Variants in ADAMTS12 observed in about 807,000 individuals in gnomAD.
ADAMTS12 encodes the protein ADAM metallopeptidase with thrombospondin type 1 motif 12.
Under a neutral mutation model 167.8 loss-of-function variants are expected in ADAMTS12, and 118 were observed. The ratio of observed to expected loss-of-function variants is 0.70; its 90% CI spans 0.61 to 0.82. ADAMTS12 has a LOEUF of 0.82. Among genes scored for constraint, ADAMTS12 ranks in the 40% least tolerant of loss-of-function variants. The pLI, the probability that ADAMTS12 is intolerant of heterozygous loss-of-function variation, is 0.00. For missense variants in ADAMTS12, 1,916 were observed against 1,998.8 expected (o/e 0.96, Z 0.79); for synonymous variants, 704 against 716.9 (o/e 0.98, Z 0.29).
chr5:33,614,428 G>A lies in ADAMTS12; in HGVS notation c.2389-52C>T, dbSNP rs780134466. 12 of 1,596,572 alleles carry A rather than the reference G, an allele frequency of 7.5e-6. No individual in the cohort carries two copies. In the East Asian group the frequency reaches 2.7e-4, roughly 36 times the overall value. On this transcript the variant is annotated intron_variant, in intron 15 of 23. Transcript: ENST00000504830. ...AAACTGTCATGACTTTATACCATAAGCCAGTCATGTAAAAACACCACAAAA... is the reference window on the plus strand; with the variant it reads ...AAACTGTCATGACTTTATACCATAAACCAGTCATGTAAAAACACCACAAAA...
chr5:33,666,742 C>A (rs1167758915), intron 5 of ADAMTS12, among the ~76,000 whole-genome samples: 1 of 152,172 alleles, frequency 6.6e-6, no homozygotes, highest in African/African-American at 2.4e-5. Context: ...CTGCCTGCCT[C>A]AGCCTCCCAA....
chr5:33,733,784 C>A (rs980950040), intron 3 of ADAMTS12, among the ~76,000 whole-genome samples: 1 of 152,124 alleles, frequency 6.6e-6, no homozygotes, highest in African/African-American at 2.4e-5. Flanking sequence ...ATCAGCGAGA[C>A]ACGGGGGCTG....
intron 2 of ADAMTS12, among the ~76,000 whole-genome samples, chr5:33,827,724 T>TAGAC (rs1748139022): frequency 7.2e-6 from 1 of 139,528 alleles, no homozygotes; most frequent in South Asian, 2.1e-4. Context: ...GATAGATAGA[T>TAGAC]AGATAGATAG....
At chr5:33,827,363 A>C (rs1162080657) in intron 2 of ADAMTS12, among the ~76,000 whole-genome samples, 1 of 152,002 alleles carries the variant, frequency 6.6e-6, no homozygotes, top group East Asian at 1.9e-4. Flanking sequence ...CTACAGCTGC[A>C]AAGAACTGAG....
At position 33,549,335 on chromosome 5, in the gene ADAMTS12, C is replaced by T. The variant is rs777630888; in HGVS notation, c.4174G>A (p.Val1392Met). ...AGGTTCCGGTGGTCCCGGCTGTCCA[C>T]GCACTGAATCTCGCGTATCTTGAAG... ...GGFKIREIQC[V>M]DSRDHRNLRP... The change falls in exon 21 of 24, where the codon GTG becomes ATG. Residue 1392 changes from valine (V) to methionine (M), a missense_variant. Transcript: ENST00000504830. 7.4e-6 allele frequency: 12 copies of T among 1,613,974 alleles called. No homozygotes were observed. Among genetic ancestry groups the T allele is most frequent in the East Asian group, 2.2e-5 (1 of 44,878 alleles).
intron 3 of ADAMTS12, among the ~76,000 whole-genome samples, chr5:33,708,115 C>A (rs550598860): frequency 6.6e-6 from 1 of 152,138 alleles, no homozygotes; most frequent in African/African-American, 2.4e-5. Context: ...AAACAAACAA[C>A]CCCATCAAAA....
chr5:33,624,414 G>A, intron 13 of ADAMTS12, 63 bp from the exon 14 acceptor site: 1 of 1,604,416 alleles, frequency 6.2e-7, no homozygotes, highest in Non-Finnish European at 8.5e-7. Flanking sequence ...GCCTGGATCT[G>A]TGACTTCTTC....
chr5:33,616,116 TC>T, intron 14 of ADAMTS12, 44 bp from the exon 15 acceptor site: 1 of 1,603,912 alleles, frequency 6.2e-7, no homozygotes, highest in African/African-American at 1.3e-5. Flanking sequence ...CGCCAGCTTC[TC>T]AGCTGAATGC....
At chr5:33,669,919 T>C (rs989169733) in intron 5 of ADAMTS12, among the ~76,000 whole-genome samples, 23 of 151,746 alleles carry the variant, frequency 1.5e-4, no homozygotes, top group African/African-American at 4.6e-4. Flanking sequence ...AAAAAAAACA[T>C]AGAAAATCTT....
intron 3 of ADAMTS12, among the ~76,000 whole-genome samples, chr5:33,707,788 A>G (rs908660994): frequency 2.0e-4 from 30 of 152,326 alleles, no homozygotes; most frequent in African/African-American, 7.2e-4. Context: ...CTTACACTTT[A>G]TACAAAAATT....
At position 33,833,994 on chromosome 5, in the gene ADAMTS12, C is replaced by G. The variant is rs543549978; in HGVS notation, c.489+47125G>C. On this transcript the variant is annotated intron_variant, in intron 2 of 23. Coordinates refer to ENST00000504830, the MANE Select transcript of ADAMTS12 (RefSeq NM_030955.4). The stretch of plus-strand genomic sequence containing the variant: ...GTTTTGGAGGCTGGAAATCCAAGAT[C>G]AAAGTGTAGGCAAGGTTAGTTCCTT... 2.6e-5 allele frequency among the ~76,000 whole-genome samples: 4 copies of G among 152,044 alleles called. No homozygotes were observed. In the South Asian group the frequency reaches 8.3e-4, roughly 32 times the overall value.
chr5:33,662,757 G>A lies in ADAMTS12; in HGVS notation c.916-717C>T, dbSNP rs145736759. On this transcript the variant is annotated intron_variant, in intron 5 of 23. Transcript: ENST00000504830. ...TCTGGATGAACACTTGCTGAATGGG[G>A]AGAAGAAGAAAAATAGTCAGCTCTT... is the stretch of plus-strand genomic sequence containing the variant. Among the ~76,000 whole-genome samples, 4 of 152,360 alleles carry A rather than the reference G, an allele frequency of 2.6e-5. No individual in the cohort carries two copies. In the East Asian group the frequency reaches 5.8e-4, roughly 22 times the overall value.
chr5:33,877,330 A>T (rs1382410400), intron 2 of ADAMTS12, among the ~76,000 whole-genome samples: 2 of 152,116 alleles, frequency 1.3e-5, no homozygotes, highest in African/African-American at 4.8e-5. Context: ...AAAAATCAGA[A>T]CCCCAATCCT....
At chr5:33,794,082 A>G (rs1746680754) in intron 2 of ADAMTS12, among the ~76,000 whole-genome samples, 1 of 152,000 alleles carries the variant, frequency 6.6e-6, no homozygotes, top group Admixed American at 6.6e-5. Context: ...GGACCCAGGG[A>G]GCTCCCAGGG....
Position 33,891,851 on chromosome 5 carries a change from T to C in ADAMTS12, c.6A>G (p.Pro2=), listed in dbSNP as rs1376897970. M[P]CAQRSWLANL... ...TTGCAAGCCAGCTCCTCTGGGCACA[T>C]GGCATGATTCAGATGTTGAGGAGAA... The change falls in exon 1 of 24, where the codon CCA becomes CCG. Residue 2 remains proline (P), a synonymous_variant. Coordinates refer to ENST00000504830, the MANE Select transcript of ADAMTS12 (RefSeq NM_030955.4). The C allele has an allele frequency of 1.9e-6, 3 of 1,613,924 alleles. No individual in the cohort carries two copies. Among genetic ancestry groups the C allele is most frequent in the Admixed American group, 1.7e-5 (1 of 59,962 alleles).
At chr5:33,720,284 TCACA>T (rs3071626) in intron 3 of ADAMTS12, among the ~76,000 whole-genome samples, 6,006 of 147,884 alleles carry the variant, frequency 0.041, 409 homozygotes, top group African/African-American at 0.14. Context: ...TCTCTCTCAC[TCACA>T]CACACACACA....
chr5:33,601,136 T>TGTGC (rs1738167887), intron 16 of ADAMTS12, among the ~76,000 whole-genome samples: 1 of 151,560 alleles, frequency 6.6e-6, no homozygotes, highest in South Asian at 2.1e-4. Context: ...TGTGTGTGTG[T>TGTGC]GTGTGATCAA....
At chr5:33,816,965 G>T (rs747406961) in intron 2 of ADAMTS12, among the ~76,000 whole-genome samples, 1 of 152,146 alleles carries the variant, frequency 6.6e-6, no homozygotes, top group Non-Finnish European at 1.5e-5. Context: ...CTCAGTAAGT[G>T]TGTAGTTTAC....
chr5:33,764,971 C>T (rs1745481132), intron 2 of ADAMTS12, among the ~76,000 whole-genome samples: 1 of 152,086 alleles, frequency 6.6e-6, no homozygotes, highest in Non-Finnish European at 1.5e-5. Flanking sequence ...ACACCAAAAC[C>T]AACCCACTAC....
Sources: gnomAD v4.1 joint callset for allele counts (sites outside exome capture counted in the v4.1 genomes callset) on GRCh38, gnomAD v4.1.1 for gene constraint, MANE v1.5 for transcripts, NCBI Gene and HGNC (gene_info 2026-07-23, HGNC 2026-07-21) for gene names.